NALF1: variants seen among roughly 807,000 people sequenced by gnomAD.
NALF1 encodes the protein family with sequence similarity 155 member A.
In NALF1, 3 loss-of-function variants were observed where a neutral mutation model predicts 48.4. The ratio of observed to expected loss-of-function variants is 0.06; its 90% confidence interval spans 0.03 to 0.16. The LOEUF is 0.16. Among genes scored for constraint, NALF1 ranks in the 10% least tolerant of loss-of-function variants. The pLI is 1.00. For synonymous variants in NALF1, 262 were observed against 245.7 expected (o/e 1.07, Z -0.62); for missense variants, 526 against 571.5 (o/e 0.92, Z 0.81).
At chr13:107,660,480 C>CAA (rs777592432) in intron 1 of NALF1, among the ~76,000 whole-genome samples, 13,537 of 65,722 alleles carry the variant, frequency 0.21, 882 homozygotes, top group Middle Eastern at 0.37. Flanking sequence ...CACACACACA[C>CAA]ACACAACAAA....
intron 1 of NALF1, among the ~76,000 whole-genome samples, chr13:107,817,602 G>A (rs1232917840): frequency 6.6e-6 from 1 of 152,104 alleles, no homozygotes; most frequent in Non-Finnish European, 1.5e-5. Context: ...CCATCCATCT[G>A]TGCCTTTTCA....
chr13:107,529,312 A>G (rs2076766), intron 1 of NALF1, among the ~76,000 whole-genome samples: 113,819 of 152,070 alleles, frequency 0.75, 44,459 homozygotes, highest in South Asian at 0.87. Flanking sequence ...AACAAGTTGT[A>G]TGACTTTCAG....
intron 1 of NALF1, among the ~76,000 whole-genome samples, chr13:107,403,813 G>A (rs923915122): frequency 8.6e-5 from 13 of 151,808 alleles, no homozygotes; most frequent in South Asian, 4.2e-4. Flanking sequence ...AAGCAGAAAC[G>A]TCTTCTTTCT....
At chr13:107,707,413 C>T (rs958709657) in intron 1 of NALF1, among the ~76,000 whole-genome samples, 3 of 152,074 alleles carry the variant, frequency 2.0e-5, no homozygotes, top group Non-Finnish European at 4.4e-5. Context: ...CTTTGGAATC[C>T]CTTTTCATGT....
chr13:107,514,453 C>CTATT (rs1020737108), intron 1 of NALF1, among the ~76,000 whole-genome samples: 1 of 150,752 alleles, frequency 6.6e-6, no homozygotes, highest in Non-Finnish European at 1.5e-5. Context: ...ATCTATCTAT[C>CTATT]TATCTAATCT....
intron 1 of NALF1, among the ~76,000 whole-genome samples, chr13:107,295,839 T>TA (rs1309737511): frequency 6.6e-5 from 10 of 152,282 alleles, no homozygotes; most frequent in African/African-American, 1.7e-4. Context: ...CTGATTATTT[T>TA]AAAAAAACAC....
At chr13:107,836,670 C>T (rs950914925) in intron 1 of NALF1, among the ~76,000 whole-genome samples, 1 of 152,062 alleles carries the variant, frequency 6.6e-6, no homozygotes, top group Non-Finnish European at 1.5e-5. Flanking sequence ...GGGTACTTAA[C>T]AGTATTTTTC....
rs115937253 is a variant in NALF1, at chr13:107,272,041, T to C, written c.916-61286A>G. 7.7e-3 allele frequency among the ~76,000 whole-genome samples: 1,160 copies of C among 151,628 alleles called. 12 individuals carry two copies. Among genetic ancestry groups the C allele is most frequent in the African/African-American group, 0.027 (1,099 of 41,310 alleles). On this transcript the variant is annotated intron_variant, in intron 1 of 2. Coordinates refer to ENST00000375915, the MANE Select transcript of NALF1 (RefSeq NM_001080396.3). ...GTTTTAGAGAGAAAGTGTACTTCAT[T>C]TGAAGGCTAATAAAATAAGCATAAA...
chr13:107,793,894 GAATAA>G (rs928324861), intron 1 of NALF1, among the ~76,000 whole-genome samples: 1 of 151,572 alleles, frequency 6.6e-6, no homozygotes, highest in African/African-American at 2.4e-5. Flanking sequence ...ATTGTCTGAA[GAATAA>G]AATGAGTGTG....
chr13:107,262,670 A>G (rs1325857468), intron 1 of NALF1, among the ~76,000 whole-genome samples: 3 of 152,134 alleles, frequency 2.0e-5, no homozygotes, highest in Admixed American at 2.0e-4. Flanking sequence ...AAATACATCA[A>G]ATAGGCTACC....
chr13:107,856,829 C>T (rs972899522), intron 1 of NALF1, among the ~76,000 whole-genome samples: 3 of 152,056 alleles, frequency 2.0e-5, no homozygotes, highest in Admixed American at 6.6e-5. Flanking sequence ...GGGTGGTGGC[C>T]GACAGCTCCC....
chr13:107,763,689 C>T (rs1594250814), intron 1 of NALF1, among the ~76,000 whole-genome samples: 1 of 151,882 alleles, frequency 6.6e-6, no homozygotes, highest in Non-Finnish European at 1.5e-5. Flanking sequence ...ACTTATGTAC[C>T]CATGGTTACA....
At chr13:107,590,891 A>G (rs1878585119) in intron 1 of NALF1, among the ~76,000 whole-genome samples, 1 of 152,012 alleles carries the variant, frequency 6.6e-6, no homozygotes, top group African/African-American at 2.4e-5. Context: ...TTTGTCTTAC[A>G]GACACCTGAA....
At chr13:107,281,462 A>C (rs1013456586) in intron 1 of NALF1, among the ~76,000 whole-genome samples, 2 of 152,216 alleles carry the variant, frequency 1.3e-5, no homozygotes, top group African/African-American at 4.8e-5. Context: ...AAAGACATAG[A>C]GGACATTCCA....
intron 1 of NALF1, among the ~76,000 whole-genome samples, chr13:107,616,099 A>T (rs1319804599): frequency 6.6e-6 from 1 of 152,224 alleles, no homozygotes; most frequent in Non-Finnish European, 1.5e-5. Flanking sequence ...ACTATTGCTG[A>T]AGATAAAGAA....
At chr13:107,190,666 A>T (rs1374031461) in intron 2 of NALF1, among the ~76,000 whole-genome samples, 1 of 152,238 alleles carries the variant, frequency 6.6e-6, no homozygotes, top group East Asian at 1.9e-4. Context: ...CAGATAAGAA[A>T]ATCATTCTCA....
chr13:107,213,179 C>T (rs919107485), intron 1 of NALF1, among the ~76,000 whole-genome samples: 1 of 138,714 alleles, frequency 7.2e-6, no homozygotes, highest in Non-Finnish European at 1.5e-5. Context: ...TTTATTCTGG[C>T]TCCTTAAATT....
At chr13:107,204,711 T>G (rs1879597797) in intron 2 of NALF1, among the ~76,000 whole-genome samples, 1 of 152,240 alleles carries the variant, frequency 6.6e-6, no homozygotes, top group Non-Finnish European at 1.5e-5. Context: ...TAATCTACTC[T>G]CATTTTTTAA....
chr13:107,515,128 G>A (rs981153920), intron 1 of NALF1, among the ~76,000 whole-genome samples: 1 of 152,104 alleles, frequency 6.6e-6, no homozygotes, highest in African/African-American at 2.4e-5. Flanking sequence ...AGCTTTGAGG[G>A]TCAAATGCAG....
Sources: allele counts gnomAD v4.1 joint callset (sites outside exome capture counted in the v4.1 genomes callset), GRCh38; gene constraint gnomAD v4.1.1; transcripts MANE v1.5; gene names NCBI Gene and HGNC (gene_info 2026-07-23, HGNC 2026-07-21).